The following STON1 variants were observed in gnomAD, a reference collection of about 807,000 sequenced individuals.
STON1 encodes stonin 1, also known as stonin-1.
A neutral mutation model predicts 60.9 loss-of-function variants in STON1; 79 were observed. The observed-to-expected ratio is 1.30, with a 90% confidence interval of 1.08 to 1.56. The LOEUF is 1.56. STON1 is among the 40% of genes most tolerant of loss of function. The pLI is 0.00. For synonymous variants in STON1, 363 were observed against 306.9 expected, an observed-to-expected ratio of 1.18 and a Z score of -1.91; for missense variants, 1,166 against 858.9, an observed-to-expected ratio of 1.36 and a Z score of -4.47.
rs1270237397 is a variant in STON1 at position 48,581,141 on chromosome 2, C to G, written c.508C>G (p.Leu170Val). Residue 170 changes from leucine (L) to valine (V), a missense_variant, in exon 2 of 4, where the codon CTC becomes GTC. By Grantham distance (32) the Leu-to-Val change is conservative. Coordinates refer to ENST00000404752, the MANE Select transcript of STON1 (RefSeq NM_006873.4). ...AAGCCTAGGATTCCAAAGTGATGAT[C>G]TCCCCCAGTTTCAGTATTTTCGAGA... ...AESLGFQSDD[L>V]PQFQYFREDC... 4 of 1,577,140 alleles carry G rather than the reference C, an allele frequency of 2.5e-6. No homozygotes were observed. The highest frequency in any genetic ancestry group is 3.4e-6 in the Non-Finnish European group (4 of 1,167,926).
chr2:48,589,949 G>C (rs1674418232), intron 2 of STON1, among the ~76,000 whole-genome samples: 1 of 152,158 alleles, frequency 6.6e-6, no homozygotes, highest in African/African-American at 2.4e-5. Flanking sequence ...CCTCACAACA[G>C]CCCTTATAAG....
intron 2 of STON1, among the ~76,000 whole-genome samples, chr2:48,588,186 C>T (rs1180445962): frequency 2.0e-5 from 3 of 152,130 alleles, no homozygotes; most frequent in African/African-American, 2.4e-5. Flanking sequence ...GCTGATGTGA[C>T]GCCAATGCAT....
At chr2:48,567,380 C>T (rs887469669) in intron 1 of STON1, among the ~76,000 whole-genome samples, 1 of 152,110 alleles carries the variant, frequency 6.6e-6, no homozygotes, top group Non-Finnish European at 1.5e-5. Context: ...CCCTTTAGAA[C>T]GAAGCCTTTT....
chr2:48,547,674 G>T (rs146056046), intron 1 of STON1, among the ~76,000 whole-genome samples: 1 of 152,224 alleles, frequency 6.6e-6, no homozygotes, highest in Non-Finnish European at 1.5e-5. Context: ...AATGCCAGCT[G>T]TTTGTCTCAA....
At chr2:48,593,823 G>C (rs1310535815) in intron 3 of STON1, among the ~76,000 whole-genome samples, 1 of 152,058 alleles carries the variant, frequency 6.6e-6, no homozygotes, top group East Asian at 1.9e-4. Flanking sequence ...TCTATGTTTG[G>C]GTCCAGTTAT....
At chr2:48,550,466 C>T (rs1379783284) in intron 1 of STON1, among the ~76,000 whole-genome samples, 1 of 148,792 alleles carries the variant, frequency 6.7e-6, no homozygotes, top group Non-Finnish European at 1.5e-5. Context: ...CATTGCACTC[C>T]AGCCTGGGCA....
At chr2:48,575,444 G>A (rs1233527030) in intron 1 of STON1, among the ~76,000 whole-genome samples, 3 of 151,836 alleles carry the variant, frequency 2.0e-5, no homozygotes, top group African/African-American at 4.8e-5. Flanking sequence ...ACCTGAGGTC[G>A]GGAGTTCGAA....
chr2:48,583,742 A>C (rs1674035847), intron 2 of STON1, among the ~76,000 whole-genome samples: 1 of 150,338 alleles, frequency 6.7e-6, no homozygotes, highest in Admixed American at 6.7e-5. Flanking sequence ...CATTGATCCA[A>C]ATCTTTTTTT....
chr2:48,594,552 ATAGT>A (rs1674695128), intron 3 of STON1, among the ~76,000 whole-genome samples: 1 of 152,154 alleles, frequency 6.6e-6, no homozygotes, highest in Non-Finnish European at 1.5e-5. Context: ...TAAACGAAAA[ATAGT>A]TAGTAGATAA....
intron 1 of STON1, among the ~76,000 whole-genome samples, chr2:48,543,217 C>A (rs1432092237): frequency 6.6e-6 from 1 of 151,938 alleles, no homozygotes; most frequent in Non-Finnish European, 1.5e-5. Flanking sequence ...TCAGGTGATC[C>A]GCCTGCCTCG....
chr2:48,576,172 G>C (rs1294662862), intron 1 of STON1, among the ~76,000 whole-genome samples: 6 of 115,030 alleles, frequency 5.2e-5, no homozygotes, highest in Non-Finnish European at 9.3e-5. Context: ...GCCAAGATTT[G>C]TTGTTTTCCT....
chr2:48,559,381 C>T (rs1672516589), intron 1 of STON1, among the ~76,000 whole-genome samples: 2 of 152,158 alleles, frequency 1.3e-5, no homozygotes, highest in African/African-American at 2.4e-5. Flanking sequence ...TCCTGTTCCT[C>T]ACAGATGGCA....
rs1558604783 is a variant in STON1, at chr2:48,564,480, T to TTCTTCCTTCTTCTTCTTCTTCTTCTTC, written c.-47-16106_-47-16105insCTTCCTTCTTCTTCTTCTTCTTCTTCT. Among the ~76,000 whole-genome samples, 3 of 32,496 alleles carry TTCTTCCTTCTTCTTCTTCTTCTTCTTC rather than the reference T, an allele frequency of 9.2e-5. 1 individual carries two copies. Among genetic ancestry groups the TTCTTCCTTCTTCTTCTTCTTCTTCTTC allele is most frequent in the African/African-American group, 3.5e-4 (3 of 8,684 alleles). The allele number at this position is 32,496 out of a possible 152,430, so 21.3% of individuals were successfully genotyped here. On this transcript the variant is annotated intron_variant, in intron 1 of 3. Transcript: ENST00000404752. ...CTTCTTCTTCTTCTTCTTCTTCTTC[T>TTCTTCCTTCTTCTTCTTCTTCTTCTTC]TTCTTCTTCTTCTTCTTCTTCTTCT...
intron 1 of STON1, among the ~76,000 whole-genome samples, chr2:48,556,257 G>A (rs1309200098): frequency 1.6e-4 from 4 of 25,542 alleles, no homozygotes; most frequent in Admixed American, 1.2e-3. Flanking sequence ...GCGGCTGGCC[G>A]GGCAGAGGGG....
Position 48,561,049 on chromosome 2 carries a change from G to T in STON1, c.-47-19538G>T, listed in dbSNP as rs1188750356. Among the ~76,000 whole-genome samples, 6 of 152,148 alleles carry T rather than the reference G, an allele frequency of 3.9e-5. No individual in the cohort carries two copies. The East Asian group carries it at 1.2e-3, about 29-fold the overall frequency. On this transcript the variant is annotated intron_variant, in intron 1 of 3. Coordinates refer to ENST00000404752, the MANE Select transcript of STON1 (RefSeq NM_006873.4). ...CCTTTTCATTTCCTCCTCTTGTAAA[G>T]TGACCCAGCCCTGGGGCTTTACCCA...
chr2:48,561,872 T>A (rs1672627723), intron 1 of STON1, among the ~76,000 whole-genome samples: 1 of 152,174 alleles, frequency 6.6e-6, no homozygotes, highest in East Asian at 1.9e-4. Context: ...TTATTTTTTA[T>A]TTTTTTGAAA....
intron 1 of STON1, among the ~76,000 whole-genome samples, chr2:48,537,231 C>T (rs776198358): frequency 3.9e-5 from 6 of 152,112 alleles, no homozygotes; most frequent in South Asian, 2.1e-4. Context: ...CTCCATTAAG[C>T]GTGAAGTTTG....
chr2:48,588,702 A>T (rs556181272), intron 2 of STON1, among the ~76,000 whole-genome samples: 3 of 152,222 alleles, frequency 2.0e-5, no homozygotes, highest in African/African-American at 4.8e-5. Context: ...ACTTTTTTTT[A>T]AATTTTTTTT....
intron 1 of STON1, among the ~76,000 whole-genome samples, chr2:48,548,494 CTT>C (rs371507131): frequency 6.8e-6 from 1 of 146,606 alleles, no homozygotes; most frequent in Non-Finnish European, 1.5e-5. Context: ...TTTCATTTTT[CTT>C]TTTTTTTTTC....
Sources: allele counts gnomAD v4.1 joint callset (sites outside exome capture counted in the v4.1 genomes callset), GRCh38; gene constraint gnomAD v4.1.1; transcripts MANE v1.5; gene names NCBI Gene and HGNC (gene_info 2026-07-23, HGNC 2026-07-21).